RIPK1: variants seen among roughly 807,000 people sequenced by gnomAD.
RIPK1 encodes receptor-interacting serine/threonine-protein kinase 1.
A neutral mutation model predicts 62.4 loss-of-function variants in RIPK1; 27 were observed. The observed-to-expected ratio is 0.43, with a 90% CI of 0.32 to 0.60. The LOEUF (loss-of-function observed/expected upper bound fraction) is 0.60, where lower values mean the gene tolerates loss of function less well. Among genes scored for constraint, RIPK1 ranks in the 20% least tolerant of loss-of-function variants. The pLI is 0.07. For synonymous variants in RIPK1, 287 were observed against 303.2 expected, an observed-to-expected ratio of 0.95 and a Z score of 0.55; for missense variants, 735 against 831.0, an observed-to-expected ratio of 0.88 and a Z score of 1.42.
At chr6:3,064,980 C>A (rs1328171127), upstream of RIPK1, among the ~76,000 whole-genome samples, 1 of 152,036 alleles carries the variant, frequency 6.6e-6, no homozygotes, top group East Asian at 1.9e-4. Flanking sequence ...CGGTGGCTCA[C>A]GCCTGTAATC....
rs112566382 is a variant in RIPK1 at position 3,101,502 on chromosome 6, A to T, written c.916-2723A>T. On this transcript the variant is annotated intron_variant, in intron 7 of 10. Coordinates refer to ENST00000259808, the MANE Select transcript of RIPK1 (RefSeq NM_001354930.2). ...CAAAAACAATATATAGAATGCTACA[A>T]AGTGTGAACATAATTAATACCCTCT... Among the ~76,000 whole-genome samples the T allele has an allele frequency of 5.3e-3, 802 of 152,242 alleles. 7 individuals are homozygous for T. Among genetic ancestry groups the T allele is most frequent in the African/African-American group, 0.019 (785 of 41,526 alleles).
intron 1 of RIPK1, among the ~76,000 whole-genome samples, chr6:3,071,795 C>G (rs534221821): frequency 6.6e-6 from 1 of 152,324 alleles, no homozygotes. Flanking sequence ...CAACTAGAGG[C>G]CTTCCCAAAC....
intron 7 of RIPK1, among the ~76,000 whole-genome samples, chr6:3,102,904 C>T (rs1760660893): frequency 6.6e-6 from 1 of 152,154 alleles, no homozygotes; most frequent in African/African-American, 2.4e-5. Flanking sequence ...CCATGTTTAA[C>T]TTTTAAGTAC....
At chr6:3,074,220 C>T (rs910013096) in intron 1 of RIPK1, among the ~76,000 whole-genome samples, 3 of 152,162 alleles carry the variant, frequency 2.0e-5, no homozygotes, top group Admixed American at 1.3e-4. Flanking sequence ...TGCTCACAGG[C>T]GGCCAGTGTT....
chr6:3,094,892 T>C (rs1439206212), intron 7 of RIPK1, among the ~76,000 whole-genome samples: 1 of 151,668 alleles, frequency 6.6e-6, no homozygotes, highest in Non-Finnish European at 1.5e-5. Flanking sequence ...TGAGACCCCA[T>C]CTCTAAAAAA....
At position 3,085,356 on chromosome 6, in the gene RIPK1, TCTCATGAAG is replaced by T. The variant is rs1281405993; in HGVS notation, c.790_798del (p.Met264_Leu266del). 1 of 1,614,156 alleles carries T rather than the reference TCTCATGAAG, an allele frequency of 6.2e-7. No homozygotes were observed. The highest frequency in any genetic ancestry group is 8.5e-7 in the Non-Finnish European group (1 of 1,180,038). On this transcript the variant is annotated inframe_deletion, in exon 6 of 11. Coordinates refer to ENST00000259808, the MANE Select transcript of RIPK1 (RefSeq NM_001354930.2). ...AGTACTGCCCAAGAGAAATTATCAG[TCTCATGAAG>T]CTCTGCTGGGAAGCGAATCCGGAAG...
At chr6:3,074,187 C>T (rs1016784788) in intron 1 of RIPK1, among the ~76,000 whole-genome samples, 4 of 152,196 alleles carry the variant, frequency 2.6e-5, no homozygotes, top group African/African-American at 9.7e-5. Context: ...TTCCTTCATG[C>T]CCCTGCCCAC....
At chr6:3,084,773 T>C (rs1378962088) in intron 5 of RIPK1, among the ~76,000 whole-genome samples, 1 of 152,076 alleles carries the variant, frequency 6.6e-6, no homozygotes, top group Non-Finnish European at 1.5e-5. Flanking sequence ...TTTATATTTT[T>C]AGTAGAGACG....
upstream of RIPK1, chr6:3,068,278 T>C: frequency 1.0e-6 from 1 of 985,552 alleles, no homozygotes; most frequent in Non-Finnish European, 1.2e-6. Context: ...AGTGCTTCCC[T>C]CCAGACCCTT....
At chr6:3,108,500 G>A (rs1413586521) in intron 9 of RIPK1, among the ~76,000 whole-genome samples, 2 of 152,172 alleles carry the variant, frequency 1.3e-5, no homozygotes, top group Non-Finnish European at 2.9e-5. Flanking sequence ...CTCCATGTAA[G>A]CCCGCGGTGA....
At chr6:3,073,436 G>A (rs1162984274) in intron 1 of RIPK1, among the ~76,000 whole-genome samples, 1 of 152,188 alleles carries the variant, frequency 6.6e-6, no homozygotes, top group South Asian at 2.1e-4. Flanking sequence ...GAGTCACAGA[G>A]CTAGAGTTCA....
chr6:3,073,104 A>G (rs1005565977), intron 1 of RIPK1, among the ~76,000 whole-genome samples: 5 of 152,242 alleles, frequency 3.3e-5, no homozygotes, highest in East Asian at 3.9e-4. Context: ...AAATATATAC[A>G]TATGTACATA....
At chr6:3,073,763 A>G (rs114428844) in intron 1 of RIPK1, among the ~76,000 whole-genome samples, 3,177 of 152,244 alleles carry the variant, frequency 0.021, 114 homozygotes, top group African/African-American at 0.072. Flanking sequence ...GTGCAACACC[A>G]TGGGCAGCCT....
At chr6:3,077,050 G>A (rs1581386392) in intron 2 of RIPK1, 63 bp downstream of exon 2, 1 of 1,479,728 alleles carries the variant, frequency 6.8e-7, no homozygotes, top group East Asian at 2.4e-5. Flanking sequence ...TGGCTGTTGT[G>A]GAGCCGTTGG....
chr6:3,076,143 T>C (rs1281017633), intron 1 of RIPK1, among the ~76,000 whole-genome samples: 3 of 152,182 alleles, frequency 2.0e-5, no homozygotes, highest in African/African-American at 7.2e-5. Flanking sequence ...TGCATTTCAA[T>C]GAATGTTTGT....
rs1761118800 is a variant in RIPK1 at position 3,110,843 on chromosome 6, T to A, written c.1617T>A (p.Ile539=). ...IKYTIYNSTG[I]QIGAYNYMEI... is the part of the protein sequence containing the mutation. The stretch of plus-strand genomic sequence containing the variant: ...ATACCATATACAATAGTACTGGCAT[T>A]CAGATTGGAGCCTACAATTATATGG... The change falls in exon 10 of 11, where the codon ATT becomes ATA. Residue 539 remains isoleucine, a synonymous_variant. Transcript: ENST00000259808. The A allele has an allele frequency of 1.3e-6, 2 of 1,593,308 alleles. No individual in the cohort carries two copies. The highest frequency in any genetic ancestry group is 4.5e-5 in the East Asian group (2 of 44,738).
chr6:3,079,016 G>T (rs1394469293), intron 3 of RIPK1, among the ~76,000 whole-genome samples: 1 of 151,394 alleles, frequency 6.6e-6, no homozygotes, highest in Non-Finnish European at 1.5e-5. Context: ...GGCCTTAAAT[G>T]ATCCTCTCAC....
rs367576973 is a variant in RIPK1 at position 3,110,911 on chromosome 6, C to T, written c.1685C>T (p.Thr562Met). 162 of 1,613,088 alleles carry T rather than the reference C, an allele frequency of 1.0e-4. No homozygotes were observed. Among genetic ancestry groups the T allele is most frequent in the Non-Finnish European group, 1.3e-4 (155 of 1,179,556 alleles). Residue 562 changes from threonine to methionine, a missense_variant, in exon 10 of 11, where the codon ACG (threonine) becomes ATG (methionine). Transcript: ENST00000259808. The stretch of plus-strand genomic sequence containing the variant: ...TCATCACTACTAGACAGCACAAATA[C>T]GAACTTCAAAGAAGAGCCAGCTGCT... ...TSSSLLDSTN[T>M]NFKEEPAAKY... is the part of the protein sequence containing the mutation.
chr6:3,094,270 G>A (rs915847375), intron 7 of RIPK1, among the ~76,000 whole-genome samples: 1 of 152,132 alleles, frequency 6.6e-6, no homozygotes, highest in African/African-American at 2.4e-5. Context: ...AACATACAGA[G>A]CATTTTCAAA....
Sources: allele counts gnomAD v4.1 joint callset (sites outside exome capture counted in the v4.1 genomes callset), GRCh38; gene constraint gnomAD v4.1.1; transcripts MANE v1.5; gene names NCBI Gene and HGNC (gene_info 2026-07-23, HGNC 2026-07-21).